CFAP77: variants seen among roughly 807,000 people sequenced by gnomAD.
The protein encoded by CFAP77 is cilia- and flagella-associated protein 77.
In CFAP77, 25 loss-of-function variants were observed where a neutral mutation model predicts 31.1. That is an observed-to-expected ratio of 0.80 (90% CI 0.59 to 1.12). The LOEUF (loss-of-function observed/expected upper bound fraction) is 1.12, where lower values mean the gene tolerates loss of function less well. Among genes scored for constraint, CFAP77 ranks in the 50% most tolerant of loss-of-function variants. The probability of loss-of-function intolerance (pLI) is 0.00; values close to 1 mark genes in which losing one functional copy is unlikely to be tolerated. For missense variants in CFAP77, 377 were observed against 397.3 expected (o/e 0.95, Z 0.44); for synonymous variants, 151 against 159.9 (o/e 0.94, Z 0.42).
At chr9:132,453,958 CATA>C (rs548642681) in intron 1 of CFAP77, among the ~76,000 whole-genome samples, 1 of 152,260 alleles carries the variant, frequency 6.6e-6, no homozygotes, top group African/African-American at 2.4e-5. Context: ...TGCACCAAAG[CATA>C]ATAATAATAA....
At chr9:132,543,095 C>T (rs376031788) in intron 5 of CFAP77, 48 bp downstream of exon 5, 133 of 1,513,644 alleles carry the variant, frequency 8.8e-5, no homozygotes, top group Middle Eastern at 1.7e-4. Flanking sequence ...TGCTGGCTGC[C>T]GCTCACCTTG....
chr9:132,526,014 G>A (rs1171447667), intron 3 of CFAP77, among the ~76,000 whole-genome samples: 1 of 151,894 alleles, frequency 6.6e-6, no homozygotes, highest in Non-Finnish European at 1.5e-5. Context: ...GGATGTTTTT[G>A]TTTTCCAGTT....
chr9:132,504,970 G>A (rs745393688), intron 3 of CFAP77, among the ~76,000 whole-genome samples: 16 of 152,166 alleles, frequency 1.1e-4, no homozygotes, highest in Non-Finnish European at 1.9e-4. Context: ...CACCAAATCC[G>A]ATTACACCCG....
intron 3 of CFAP77, among the ~76,000 whole-genome samples, chr9:132,502,735 C>G (rs978901983): frequency 7.2e-5 from 11 of 152,238 alleles, no homozygotes; most frequent in Admixed American, 5.2e-4. Flanking sequence ...TCTCCACCTT[C>G]TGGCTATTGT....
chr9:132,571,326 C>T (rs979691781), intron 5 of CFAP77, among the ~76,000 whole-genome samples: 1 of 151,904 alleles, frequency 6.6e-6, no homozygotes. Context: ...AGCCACGCTA[C>T]CCCCCTTTGC....
chr9:132,435,042 C>T (rs762957377), intron 1 of CFAP77, among the ~76,000 whole-genome samples: 2 of 152,146 alleles, frequency 1.3e-5, no homozygotes, highest in Admixed American at 6.5e-5. Flanking sequence ...TGTTCAAAGA[C>T]GCTTAACATG....
At chr9:132,471,426 T>C (rs1351982413) in intron 1 of CFAP77, among the ~76,000 whole-genome samples, 1 of 152,052 alleles carries the variant, frequency 6.6e-6, no homozygotes, top group African/African-American at 2.4e-5. Context: ...CATCCACTTC[T>C]TCCTATTCCT....
At chr9:132,423,360 G>A (rs1000735218) in intron 1 of CFAP77, among the ~76,000 whole-genome samples, 5 of 152,186 alleles carry the variant, frequency 3.3e-5, no homozygotes, top group Admixed American at 6.5e-5. Context: ...TTTCCAGGAG[G>A]CTCCTGGCTG....
chr9:132,420,299 G>A (rs1850190218), intron 1 of CFAP77, among the ~76,000 whole-genome samples: 1 of 151,970 alleles, frequency 6.6e-6, no homozygotes. Flanking sequence ...GGATGGACTA[G>A]ATTCCACTGG....
Position 132,554,531 on chromosome 9 carries a change from T to G in CFAP77, c.732+11484T>G, listed in dbSNP as rs1206734865. Among the ~76,000 whole-genome samples, 2 of 151,796 alleles carry G rather than the reference T, an allele frequency of 1.3e-5. No individual in the cohort carries two copies. The highest frequency in any genetic ancestry group is 6.6e-5 in the Admixed American group (1 of 15,256). On this transcript the variant is annotated intron_variant, in intron 5 of 5. Coordinates refer to ENST00000393216, the MANE Select transcript of CFAP77 (RefSeq NM_001282957.2). This position sits in a 1 kb window ranked among gnomAD's most constrained non-coding sequence, Gnocchi z 4.1. Reference sequence around the variant, plus strand: ...TTTTTATGTTTTGTAGAGATGGGGTTTTACCATATTGCCTAGGCTGGTCTT... The same window carrying G: ...TTTTTATGTTTTGTAGAGATGGGGTGTTACCATATTGCCTAGGCTGGTCTT...
chr9:132,558,622 T>C lies in CFAP77; in HGVS notation c.733-13766T>C, dbSNP rs540820371. On this transcript the variant is annotated intron_variant, in intron 5 of 5. Transcript: ENST00000393216. ...CAGGAGGCTGAGGCAGGAGAATCAC[T>C]TGAATCCAGGAGGCAGAGGTTGCAG... 2.6e-5 allele frequency among the ~76,000 whole-genome samples: 4 copies of C among 152,026 alleles called. No homozygotes were observed. In the South Asian group the frequency reaches 8.3e-4, roughly 32 times the overall value.
At chr9:132,446,593 T>A (rs1041023132) in intron 1 of CFAP77, among the ~76,000 whole-genome samples, 1 of 151,440 alleles carries the variant, frequency 6.6e-6, no homozygotes, top group Non-Finnish European at 1.5e-5. Context: ...TACAAAAAAT[T>A]AGCTGGGCGT....
chr9:132,461,259 C>T (rs956591945), intron 1 of CFAP77, among the ~76,000 whole-genome samples: 21 of 152,174 alleles, frequency 1.4e-4, no homozygotes, highest in Non-Finnish European at 2.5e-4. Flanking sequence ...CAAAGCGCCC[C>T]TCGTTTTGGG....
intron 1 of CFAP77, among the ~76,000 whole-genome samples, chr9:132,459,772 G>GTGTGAGAGCGTGTGTGTA (rs1246950618): frequency 1.3e-5 from 2 of 151,562 alleles, no homozygotes; most frequent in African/African-American, 4.9e-5. Flanking sequence ...GTATGAGTGT[G>GTGTGAGAGCGTGTGTGTA]TGTGAGAGCG....
intron 1 of CFAP77, among the ~76,000 whole-genome samples, chr9:132,472,235 G>T (rs180830515): frequency 6.6e-6 from 1 of 152,210 alleles, no homozygotes; most frequent in Non-Finnish European, 1.5e-5. Context: ...TCTGACACTG[G>T]ATATCATCTG....
chr9:132,491,865 T>A (rs1851658033), intron 1 of CFAP77, among the ~76,000 whole-genome samples: 1 of 152,210 alleles, frequency 6.6e-6, no homozygotes, highest in South Asian at 2.1e-4. Flanking sequence ...ATGGGAAAAT[T>A]GGTTTTCTTA....
chr9:132,435,719 A>G lies in CFAP77; in HGVS notation c.195+25253A>G, dbSNP rs555422912. On this transcript the variant is annotated intron_variant, in intron 1 of 5. Transcript: ENST00000393216. ...GCACTGCCAAGATAGCAGGAACTCA[A>G]TTAACATGGTATCGAATGGTGTCCA... Among the ~76,000 whole-genome samples the G allele has an allele frequency of 5.3e-5, 8 of 152,294 alleles. No individual in the cohort carries two copies. The East Asian group carries it at 5.8e-4, about 11-fold the overall frequency.
At chr9:132,425,015 T>C (rs1850289428) in intron 1 of CFAP77, among the ~76,000 whole-genome samples, 1 of 152,134 alleles carries the variant, frequency 6.6e-6, no homozygotes. Context: ...GCCCACACAA[T>C]AGGCATCAAA....
At chr9:132,463,121 G>A (rs917204613) in intron 1 of CFAP77, among the ~76,000 whole-genome samples, 3 of 152,132 alleles carry the variant, frequency 2.0e-5, no homozygotes, top group African/African-American at 7.2e-5. Context: ...GTGCCTGGGC[G>A]GGCTGGGAAC....
Sources: gnomAD v4.1 joint callset for allele counts (sites outside exome capture counted in the v4.1 genomes callset) on GRCh38, gnomAD v4.1.1 for gene constraint, Gnocchi (gnomAD v3.1) non-coding constraint, MANE v1.5 for transcripts, NCBI Gene and HGNC (gene_info 2026-07-23, HGNC 2026-07-21) for gene names.